SLC12A2: variants seen among roughly 807,000 people sequenced by gnomAD.
SLC12A2 encodes the protein solute carrier family 12 member 2.
A neutral mutation model predicts 136.3 loss-of-function variants in SLC12A2; 67 were observed. The observed-to-expected ratio is 0.49, with a 90% confidence interval of 0.40 to 0.60. The LOEUF is 0.60. SLC12A2 is among the 20% of genes least tolerant of loss of function. The pLI is 0.00. For synonymous variants in SLC12A2, 619 were observed against 562.9 expected (o/e 1.10, Z -1.41); for missense variants, 1,322 against 1,534.7 (o/e 0.86, Z 2.32).
intron 1 of SLC12A2, among the ~76,000 whole-genome samples, chr5:128,088,865 G>A (rs1243054592): frequency 2.6e-5 from 4 of 152,130 alleles, no homozygotes; most frequent in African/African-American, 9.7e-5. Context: ...GATGAAATGA[G>A]CTAATAGAAA....
chr5:128,104,462 G>A (rs2126657572), intron 1 of SLC12A2, among the ~76,000 whole-genome samples: 1 of 151,916 alleles, frequency 6.6e-6, no homozygotes, highest in Non-Finnish European at 1.5e-5. Context: ...GGTGAAACCT[G>A]TCTGTACTAA....
At chr5:128,155,297 G>A (rs1164040882) in intron 15 of SLC12A2, among the ~76,000 whole-genome samples, 1 of 151,868 alleles carries the variant, frequency 6.6e-6, no homozygotes, top group African/African-American at 2.4e-5. Flanking sequence ...GATAAGGGGG[G>A]CTAGTGTACT....
rs1386662678 is a variant in SLC12A2, at chr5:128,109,692, T to C, written c.757-3122T>C. The C allele has an allele frequency of 1.1e-5, 13 of 1,147,734 alleles. No individual in the cohort carries two copies. In the African/African-American group the frequency reaches 1.7e-4, roughly 15 times the overall value. 71.1% of individuals were successfully genotyped at this position (1,147,734 alleles called of 1,614,324 possible). ...ACATCTTCTCCAGGCGAAAAAGTCT[T>C]CCAGGTGAAAGTCCCAGCACCAGAG... On this transcript the variant is annotated intron_variant, in intron 1 of 26. Coordinates refer to ENST00000262461, the MANE Select transcript of SLC12A2 (RefSeq NM_001046.3).
Position 128,083,839 on chromosome 5 carries a change from G to A in SLC12A2, c.-116G>A, listed in dbSNP as rs1759891522. On this transcript the variant is annotated 5_prime_UTR_variant, in exon 1 of 27. Coordinates refer to ENST00000262461, the MANE Select transcript of SLC12A2 (RefSeq NM_001046.3). ...CTAGCGGCGGCCCGCAGGCGGCGGG[G>A]AGAAAGACTCTCTCACCTGGTCTTG... The A allele has an allele frequency of 1.0e-5, 8 of 789,340 alleles. No homozygotes were observed. Among genetic ancestry groups the A allele is most frequent in the Non-Finnish European group, 1.4e-5 (8 of 590,236 alleles). The allele number at this position is 789,340 out of a possible 1,614,324, so 48.9% of individuals were successfully genotyped here. A position where few individuals can be genotyped will look rare whatever the true frequency, so the allele number is the denominator to read the frequency against.
At chr5:128,103,336 C>T (rs1033571332) in intron 1 of SLC12A2, among the ~76,000 whole-genome samples, 1 of 152,198 alleles carries the variant, frequency 6.6e-6, no homozygotes, top group Non-Finnish European at 1.5e-5. Flanking sequence ...GATTAAATAA[C>T]TTGCCAAAGC....
intron 24 of SLC12A2, among the ~76,000 whole-genome samples, chr5:128,183,564 T>C (rs1419943520): frequency 6.6e-6 from 1 of 151,968 alleles, no homozygotes; most frequent in East Asian, 1.9e-4. Context: ...GATTTGATAC[T>C]GAAAAATATT....
chr5:128,087,147 CT>C (rs1193868421), intron 1 of SLC12A2, among the ~76,000 whole-genome samples: 2 of 152,164 alleles, frequency 1.3e-5, no homozygotes, highest in Non-Finnish European at 2.9e-5. Context: ...AGTATTTTGT[CT>C]AGATGTCCAA....
intron 20 of SLC12A2, among the ~76,000 whole-genome samples, chr5:128,175,519 T>G (rs949514043): frequency 1.3e-5 from 2 of 152,050 alleles, no homozygotes; most frequent in Admixed American, 1.3e-4. Flanking sequence ...CTTTTTTGTT[T>G]TTTTCTTTTG....
chr5:128,152,084 GGAA>G (rs1762720955), intron 14 of SLC12A2, among the ~76,000 whole-genome samples: 1 of 152,002 alleles, frequency 6.6e-6, no homozygotes, highest in Non-Finnish European at 1.5e-5. Context: ...GAATAGACTG[GGAA>G]GAGATTACAA....
At chr5:128,094,720 G>T (rs1760458836) in intron 1 of SLC12A2, among the ~76,000 whole-genome samples, 1 of 151,926 alleles carries the variant, frequency 6.6e-6, no homozygotes, top group African/African-American at 2.4e-5. Flanking sequence ...TTAGTTTTTT[G>T]TATTTCCTCT....
intron 1 of SLC12A2, among the ~76,000 whole-genome samples, chr5:128,092,497 G>A (rs1408767765): frequency 2.0e-5 from 3 of 152,086 alleles, no homozygotes; most frequent in Admixed American, 6.6e-5. Context: ...AGTGCTGTCC[G>A]ATAGAAATAT....
intron 1 of SLC12A2, among the ~76,000 whole-genome samples, chr5:128,087,912 A>C (rs1760158930): frequency 6.6e-6 from 1 of 151,586 alleles, no homozygotes; most frequent in African/African-American, 2.4e-5. Context: ...GGAGGAATAG[A>C]TTTGGTGGTT....
At position 128,174,545 on chromosome 5, in the gene SLC12A2, A is replaced by G. The variant is rs756173479; in HGVS notation, c.2808A>G (p.Glu936=). 1 of 1,602,360 alleles carries G rather than the reference A, an allele frequency of 6.2e-7. No homozygotes were observed. The highest frequency in any genetic ancestry group is 1.3e-5 in the African/African-American group (1 of 74,612). ...LDISHLQGQE[E]LLSSQEKSPG... is the part of the protein sequence containing the mutation. ...TAAATAATTTTCTGTCTACAGAAGA[A>G]TTATTGTCATCACAAGAGAAATCTC... The change falls in exon 20 of 27, where the codon GAA becomes GAG. Residue 936 remains glutamate, a synonymous_variant. Coordinates refer to ENST00000262461, the MANE Select transcript of SLC12A2 (RefSeq NM_001046.3).
chr5:128,175,982 G>A (rs1032223475), intron 20 of SLC12A2, among the ~76,000 whole-genome samples: 1 of 151,364 alleles, frequency 6.6e-6, no homozygotes, highest in African/African-American at 2.4e-5. Context: ...TTTATTTTGT[G>A]TTTATTTTCT....
rs551906983 is a variant in SLC12A2, at chr5:128,150,164, G to A, written c.2107+66G>A. The A allele has an allele frequency of 4.8e-6, 5 of 1,052,404 alleles. No individual in the cohort carries two copies. In the African/African-American group the frequency reaches 6.3e-5, roughly 13 times the overall value. 65.2% of individuals were successfully genotyped at this position (1,052,404 alleles called of 1,614,324 possible). The stretch of plus-strand genomic sequence containing the variant: ...TGATTGCAAAGAAAATAAAACTTTT[G>A]CCACATTTTCAAAGATGTTATGTGT... On this transcript the variant is annotated intron_variant, in intron 13 of 26. Coordinates refer to ENST00000262461, the MANE Select transcript of SLC12A2 (RefSeq NM_001046.3).
At chr5:128,179,434 T>C (rs1763630746) in intron 22 of SLC12A2, among the ~76,000 whole-genome samples, 1 of 152,186 alleles carries the variant, frequency 6.6e-6, no homozygotes, top group Admixed American at 6.5e-5. Flanking sequence ...GGGATATGTA[T>C]TAGACTGTTC....
At chr5:128,119,386 C>T (rs1188772209) in intron 4 of SLC12A2, among the ~76,000 whole-genome samples, 2 of 152,128 alleles carry the variant, frequency 1.3e-5, no homozygotes, top group African/African-American at 4.8e-5. Context: ...CCATTTTAAA[C>T]TTGATGCATA....
intron 17 of SLC12A2, among the ~76,000 whole-genome samples, chr5:128,165,331 A>G (rs1763167594): frequency 6.6e-6 from 1 of 152,220 alleles, no homozygotes; most frequent in African/African-American, 2.4e-5. Context: ...TCATATTTAA[A>G]TAGCAAAACT....
rs772041763 is a variant in SLC12A2, at chr5:128,114,653, A to G, written c.1020A>G (p.Ala340=). ...VTTITGLSTS[A]IATNGFVRGG... is the part of the protein sequence containing the mutation. ...CTATCACAGGATTGTCTACTTCAGCAATAGCAACTAATGGATTTGTAAGAG... is the reference window on the plus strand; with the variant it reads ...CTATCACAGGATTGTCTACTTCAGCGATAGCAACTAATGGATTTGTAAGAG... Residue 340 remains alanine (A), a synonymous_variant, in exon 4 of 27, where the codon GCA becomes GCG. Transcript: ENST00000262461. The G allele has an allele frequency of 6.2e-7, 1 of 1,609,590 alleles. No individual in the cohort carries two copies. Among genetic ancestry groups the G allele is most frequent in the South Asian group, 1.1e-5 (1 of 90,980 alleles).
Sources: allele counts gnomAD v4.1 joint callset (sites outside exome capture counted in the v4.1 genomes callset), GRCh38; gene constraint gnomAD v4.1.1; transcripts MANE v1.5; gene names NCBI Gene and HGNC (gene_info 2026-07-23, HGNC 2026-07-21).